Variants in SYTL2 observed in about 807,000 individuals in gnomAD.
SYTL2 encodes synaptotagmin-like protein 2.
A neutral mutation model predicts 198.7 loss-of-function variants in SYTL2; 165 were observed. That is an observed-to-expected ratio of 0.83 (90% confidence interval 0.73 to 0.94). The LOEUF (loss-of-function observed/expected upper bound fraction) is 0.94. Among genes scored for constraint, SYTL2 ranks in the 40% least tolerant of loss-of-function variants. The probability of loss-of-function intolerance (pLI) is 0.00; values close to 1 mark genes in which losing one functional copy is unlikely to be tolerated. For missense variants in SYTL2, 2,835 were observed against 2,582.8 expected (o/e 1.10, Z -2.12); for synonymous variants, 966 against 917.7 (o/e 1.05, Z -0.95).
intron 5 of SYTL2, among the ~76,000 whole-genome samples, chr11:85,737,002 T>C (rs1201008253): frequency 6.6e-6 from 1 of 152,204 alleles, no homozygotes; most frequent in East Asian, 1.9e-4. Flanking sequence ...CTCAGTGTGC[T>C]AGATCACAAG....
rs1476091233 is a variant in SYTL2, at chr11:85,789,338, GTGTATATATATA to G, written c.-390+21604_-390+21615del. On this transcript the variant is annotated intron_variant, in intron 1 of 19. Coordinates refer to ENST00000359152, the MANE Select transcript of SYTL2 (RefSeq NM_206927.4). ...TGTGTGTGTGTATGTGTGTGTGTGT[GTGTATATATATA>G]TATATATATATATATATATATATAT... is the stretch of plus-strand genomic sequence containing the variant. Among the ~76,000 whole-genome samples, 170 of 27,092 alleles carry G rather than the reference GTGTATATATATA, an allele frequency of 6.3e-3. 6 individuals carry two copies. Among genetic ancestry groups the G allele is most frequent in the African/African-American group, 0.018 (159 of 8,742 alleles). 17.8% of individuals were successfully genotyped at this position (27,092 alleles called of 152,430 possible).
chr11:85,844,550 T>G, the SYTL2 span, among the ~76,000 whole-genome samples: 1 of 152,230 alleles, frequency 6.6e-6, no homozygotes, highest in Non-Finnish European at 1.5e-5. Context: ...CATAGACTAC[T>G]TCCTGGTGTG....
intron 12 of SYTL2, among the ~76,000 whole-genome samples, chr11:85,711,993 T>C (rs2153427262): frequency 6.6e-6 from 1 of 152,322 alleles, no homozygotes; most frequent in African/African-American, 2.4e-5. Context: ...TTGTTATATT[T>C]GAATCTAAAG....
chr11:85,853,287 C>T, the SYTL2 span: 2 of 440,894 alleles, frequency 4.5e-6, no homozygotes, highest in Admixed American at 2.5e-5. Flanking sequence ...AAAAAGTAGA[C>T]ATAGGAGACT....
intron 1 of SYTL2, among the ~76,000 whole-genome samples, chr11:85,782,877 C>G (rs1050446124): frequency 6.6e-6 from 1 of 152,212 alleles, no homozygotes; most frequent in Non-Finnish European, 1.5e-5. Flanking sequence ...ATCTGGACTT[C>G]GTTGTCCACA....
At chr11:85,847,388 T>A in the SYTL2 span, among the ~76,000 whole-genome samples, 1 of 151,400 alleles carries the variant, frequency 6.6e-6, no homozygotes, top group African/African-American at 2.4e-5. Flanking sequence ...CCCCCACCCT[T>A]TTTTTTTTCA....
rs749580620 is a variant in SYTL2 at position 85,726,627 on chromosome 11, T to C, written c.2731A>G (p.Ile911Val). ...CTGTCTGCCACTTGTGATCTTTTTA[T>C]AGGCTCATTTTTCTTATTCTGAAAC... ...SLFQNKKNEP[I>V]KRSQVADSLP... Residue 911 changes from isoleucine to valine, a missense_variant, in exon 8 of 20, where the codon ATA becomes GTA. Transcript: ENST00000359152. 2.6e-6 allele frequency: 4 copies of C among 1,540,496 alleles called. No homozygotes were observed. The highest frequency in any genetic ancestry group is 1.7e-6 in the Non-Finnish European group (2 of 1,148,740).
At chr11:85,801,822 CTT>C (rs1289583115) in intron 1 of SYTL2, among the ~76,000 whole-genome samples, 7 of 137,404 alleles carry the variant, frequency 5.1e-5, no homozygotes, top group Admixed American at 1.5e-4. Context: ...CTTCCCCGTT[CTT>C]TTTTTTTTTT....
At chr11:85,845,520 T>C in the SYTL2 span, among the ~76,000 whole-genome samples, 4 of 152,238 alleles carry the variant, frequency 2.6e-5, no homozygotes, top group Non-Finnish European at 4.4e-5. Flanking sequence ...CCCAACACTT[T>C]GGGAGACTGA....
chr11:85,765,579 C>T (rs2092218989), intron 1 of SYTL2, among the ~76,000 whole-genome samples: 1 of 152,162 alleles, frequency 6.6e-6, no homozygotes, highest in Admixed American at 6.5e-5. Flanking sequence ...AAATGGACAG[C>T]ATCTCAAAAT....
intron 2 of SYTL2, among the ~76,000 whole-genome samples, chr11:85,757,031 G>C (rs1312144008): frequency 6.6e-6 from 1 of 152,214 alleles, no homozygotes; most frequent in African/African-American, 2.4e-5. Flanking sequence ...AAAGGTGAAT[G>C]AAAGTGGCAG....
chr11:85,795,105 T>C (rs1393688214), intron 1 of SYTL2, among the ~76,000 whole-genome samples: 1 of 152,158 alleles, frequency 6.6e-6, no homozygotes, highest in Non-Finnish European at 1.5e-5. Context: ...CATGCACTTG[T>C]ATGTATAAAA....
At chr11:85,716,710 A>ACACT in intron 11 of SYTL2, 1 of 152,194 alleles carries the variant, frequency 6.6e-6, no homozygotes, top group African/African-American at 2.4e-5. Context: ...ACACACACAC[A>ACACT]CACACACACA....
chr11:85,781,905 G>C (rs1422132629), intron 1 of SYTL2, among the ~76,000 whole-genome samples: 1 of 152,238 alleles, frequency 6.6e-6, no homozygotes, highest in Non-Finnish European at 1.5e-5. Flanking sequence ...CTGGCATTGA[G>C]TGTCTACAGC....
At chr11:85,713,698 T>G (rs753601719) in intron 12 of SYTL2, among the ~76,000 whole-genome samples, 1 of 152,182 alleles carries the variant, frequency 6.6e-6, no homozygotes, top group Non-Finnish European at 1.5e-5. Context: ...TTACCACATA[T>G]AGTTAGTAAG....
intron 1 of SYTL2, among the ~76,000 whole-genome samples, chr11:85,777,636 C>T (rs755458566): frequency 6.6e-6 from 1 of 150,840 alleles, no homozygotes; most frequent in Non-Finnish European, 1.5e-5. Flanking sequence ...TAATCCCCCC[C>T]CAACCCACAC....
intron 1 of SYTL2, among the ~76,000 whole-genome samples, chr11:85,790,819 T>G (rs897354814): frequency 6.6e-6 from 1 of 152,010 alleles, no homozygotes; most frequent in African/African-American, 2.4e-5. Context: ...AGAGATGAAA[T>G]GCAGCAGAAG....
At position 85,714,629 on chromosome 11, in the gene SYTL2, G is replaced by A. The variant is rs2086862184; in HGVS notation, c.5531-122C>T. ...AACATGTTTTTGTAAAAAAGTTAAA[G>A]GCAGAGTAGTCCACATGCACAGGAT... is the stretch of plus-strand genomic sequence containing the variant. On this transcript the variant is annotated intron_variant, in intron 11 of 19. Coordinates refer to ENST00000359152, the MANE Select transcript of SYTL2 (RefSeq NM_206927.4). The A allele has an allele frequency of 9.0e-6, 13 of 1,448,462 alleles. No individual in the cohort carries two copies. The East Asian group carries it at 3.3e-4, about 37-fold the overall frequency. The allele number at this position is 1,448,462 out of a possible 1,614,324, so 89.7% of individuals were successfully genotyped here. A position where few individuals can be genotyped will look rare whatever the true frequency, so the allele number is the denominator to read the frequency against.
intron 2 of SYTL2, among the ~76,000 whole-genome samples, chr11:85,752,863 A>G (rs1202806006): frequency 6.7e-6 from 1 of 149,122 alleles, no homozygotes; most frequent in African/African-American, 2.5e-5. Flanking sequence ...GCTTTGACAG[A>G]AAAACACCAT....
Sources: gnomAD v4.1 joint callset for allele counts (sites outside exome capture counted in the v4.1 genomes callset) on GRCh38, gnomAD v4.1.1 for gene constraint, MANE v1.5 for transcripts, NCBI Gene and HGNC (gene_info 2026-07-23, HGNC 2026-07-21) for gene names.